KCNK13: variants seen among roughly 807,000 people sequenced by gnomAD.
The protein encoded by KCNK13 is potassium two pore domain channel subfamily K member 13.
KCNK13 carries 12 observed loss-of-function variants against 23.4 expected under a neutral mutation model. The observed-to-expected ratio is 0.51, with a 90% CI of 0.33 to 0.83. The LOEUF (loss-of-function observed/expected upper bound fraction) is 0.83, where lower values mean the gene tolerates loss of function less well. KCNK13 is among the 40% of genes least tolerant of loss of function. KCNK13 has a pLI of 0.02. For synonymous variants in KCNK13, 231 were observed against 229.5 expected (o/e 1.01, Z -0.06); for missense variants, 463 against 556.3 (o/e 0.83, Z 1.69).
intron 1 of KCNK13, among the ~76,000 whole-genome samples, chr14:90,109,875 A>G (rs1889594263): frequency 6.6e-6 from 1 of 151,274 alleles, no homozygotes; most frequent in Admixed American, 6.6e-5. Flanking sequence ...CGACAAGCTA[A>G]TTTTTGTATT....
At position 90,184,886 on chromosome 14, in the gene KCNK13, G is replaced by T; in HGVS notation, c.1110G>T (p.Met370Ile). ...TCCTGCAGAAGCAACTGTCTGAGAT[G>T]GCCAACGGCTGCCCCCACCAGACCA... Reference protein sequence around the residue: ...LAILQKQLSEMANGCPHQTST... With the variant: ...LAILQKQLSEIANGCPHQTST... The change falls in exon 2 of 2, where the codon ATG (methionine) becomes ATT (isoleucine). Residue 370 changes from methionine (M) to isoleucine (I), a missense_variant. By Grantham distance (10) the Met-to-Ile change is conservative. Coordinates refer to ENST00000282146, the MANE Select transcript of KCNK13 (RefSeq NM_022054.4). The surrounding 1 kb of genome is among the most constrained non-coding windows in gnomAD (Gnocchi z 5.6). 1 of 1,613,864 alleles carries T rather than the reference G, an allele frequency of 6.2e-7. No homozygotes were observed. The highest frequency in any genetic ancestry group is 1.1e-5 in the South Asian group (1 of 91,088).
intron 1 of KCNK13, among the ~76,000 whole-genome samples, chr14:90,145,466 T>C (rs1173207044): frequency 6.6e-6 from 1 of 152,154 alleles, no homozygotes; most frequent in East Asian, 1.9e-4. Context: ...GTATTATCAT[T>C]TTTATACATT....
chr14:90,148,559 G>A (rs7145750), intron 1 of KCNK13, among the ~76,000 whole-genome samples: 9,891 of 152,300 alleles, frequency 0.065, 418 homozygotes, highest in South Asian at 0.21. Flanking sequence ...AAGAAGAGGG[G>A]CAGGGTAGGC....
At chr14:90,107,739 C>G (rs1889563746) in intron 1 of KCNK13, 1 of 796,128 alleles carries the variant, frequency 1.3e-6, no homozygotes, top group Non-Finnish European at 2.3e-6. Context: ...ATCAAGCCCA[C>G]CTTCCCATTC....
chr14:90,098,717 C>G (rs765051431), intron 1 of KCNK13, among the ~76,000 whole-genome samples: 10 of 151,652 alleles, frequency 6.6e-5, no homozygotes, highest in Non-Finnish European at 1.0e-4. Flanking sequence ...TGATTTCTCT[C>G]TCATTACCAA....
chr14:90,168,095 G>T (rs954822175), intron 1 of KCNK13, among the ~76,000 whole-genome samples: 2 of 152,086 alleles, frequency 1.3e-5, no homozygotes, highest in African/African-American at 4.8e-5. Flanking sequence ...AGTGAGGGGC[G>T]GGGTGTGGTG....
intron 1 of KCNK13, among the ~76,000 whole-genome samples, chr14:90,138,541 G>T (rs1303224136): frequency 1.3e-5 from 2 of 152,194 alleles, no homozygotes; most frequent in African/African-American, 4.8e-5. Flanking sequence ...GTTGTCTTTG[G>T]CTTTCATATC....
chr14:90,096,490 C>G (rs1366877514), intron 1 of KCNK13, among the ~76,000 whole-genome samples: 4 of 152,170 alleles, frequency 2.6e-5, no homozygotes, highest in African/African-American at 9.7e-5. Context: ...TTGCAAAATA[C>G]AATAAAACAT....
intron 1 of KCNK13, among the ~76,000 whole-genome samples, chr14:90,167,213 A>G (rs1429805890): frequency 6.6e-6 from 1 of 152,192 alleles, no homozygotes; most frequent in Admixed American, 6.5e-5. Flanking sequence ...CAATTCTGAC[A>G]GTCAAACAGC....
chr14:90,097,826 G>A (rs903811799), intron 1 of KCNK13, among the ~76,000 whole-genome samples: 44 of 152,116 alleles, frequency 2.9e-4, no homozygotes, highest in African/African-American at 9.9e-4. Context: ...TTTAGAAAAA[G>A]AAATAGGGTA....
At chr14:90,157,385 T>C (rs185981564) in intron 1 of KCNK13, among the ~76,000 whole-genome samples, 2 of 152,284 alleles carry the variant, frequency 1.3e-5, no homozygotes, top group East Asian at 3.9e-4. Flanking sequence ...AAAAAAAGTG[T>C]CGGCATTTAT....
At chr14:90,164,081 C>T (rs1002356418) in intron 1 of KCNK13, among the ~76,000 whole-genome samples, 1 of 152,220 alleles carries the variant, frequency 6.6e-6, no homozygotes, top group African/African-American at 2.4e-5. Context: ...TCTTCAGTCT[C>T]TGTTCCCTTT....
chr14:90,094,804 C>T (rs1295788011), intron 1 of KCNK13, among the ~76,000 whole-genome samples: 3 of 151,914 alleles, frequency 2.0e-5, no homozygotes, highest in East Asian at 1.9e-4. Context: ...CCCACCACCA[C>T]GCCTGGCTAA....
intron 1 of KCNK13, among the ~76,000 whole-genome samples, chr14:90,150,824 G>A (rs1208700974): frequency 1.3e-5 from 2 of 152,138 alleles, no homozygotes; most frequent in Non-Finnish European, 2.9e-5. Flanking sequence ...TTAAAAGTGT[G>A]TGGCATGAGC....
intron 1 of KCNK13, among the ~76,000 whole-genome samples, chr14:90,101,088 A>G (rs1336003667): frequency 2.6e-5 from 4 of 152,136 alleles, no homozygotes; most frequent in Non-Finnish European, 5.9e-5. Flanking sequence ...GAGGTACTTC[A>G]ATCCCCTGTT....
At chr14:90,129,417 T>C (rs987299800) in intron 1 of KCNK13, among the ~76,000 whole-genome samples, 2 of 152,102 alleles carry the variant, frequency 1.3e-5, no homozygotes, top group Non-Finnish European at 2.9e-5. Context: ...AGAACACATA[T>C]GGCTGCGCCC....
intron 1 of KCNK13, among the ~76,000 whole-genome samples, chr14:90,064,214 C>T (rs1162514264): frequency 1.3e-5 from 2 of 152,138 alleles, no homozygotes; most frequent in Non-Finnish European, 1.5e-5. Flanking sequence ...GTGACCTTGA[C>T]TCTACTGTGT....
chr14:90,118,262 A>C (rs1423015410), intron 1 of KCNK13, among the ~76,000 whole-genome samples: 1 of 152,174 alleles, frequency 6.6e-6, no homozygotes, highest in Non-Finnish European at 1.5e-5. Flanking sequence ...TTAGTATGGT[A>C]ATGAGGGGAG....
chr14:90,164,001 A>G (rs929551267), intron 1 of KCNK13, among the ~76,000 whole-genome samples: 4 of 152,142 alleles, frequency 2.6e-5, no homozygotes, highest in Non-Finnish European at 5.9e-5. Context: ...CCACATTTCT[A>G]TGTTTAAAAG....
Sources: gnomAD v4.1 joint callset for allele counts (sites outside exome capture counted in the v4.1 genomes callset) on GRCh38, gnomAD v4.1.1 for gene constraint, Gnocchi (gnomAD v3.1) non-coding constraint, MANE v1.5 for transcripts, NCBI Gene and HGNC (gene_info 2026-07-23, HGNC 2026-07-21) for gene names.